Variants in TRIM40 observed in about 807,000 individuals in gnomAD.
TRIM40 encodes the protein E3 ubiquitin ligase TRIM40.
In TRIM40, 27 loss-of-function variants were observed where a neutral mutation model predicts 26.1. The ratio of observed to expected loss-of-function variants is 1.04; its 90% confidence interval spans 0.76 to 1.43. The LOEUF (loss-of-function observed/expected upper bound fraction) is 1.43. Among genes scored for constraint, TRIM40 ranks in the 40% most tolerant of loss-of-function variants. The pLI is 0.00. For missense variants in TRIM40, 289 were observed against 307.9 expected (o/e 0.94, Z 0.46); for synonymous variants, 114 against 120.0 (o/e 0.95, Z 0.33).
intron 3 of TRIM40, 141 bp downstream of exon 3, chr6:30,146,230 T>C (rs1030824071): frequency 3.0e-5 from 21 of 700,324 alleles, no homozygotes; most frequent in Non-Finnish European, 4.4e-5. Context: ...GGTGTTGGCC[T>C]TGGCGTCAAA....
intron 2 of TRIM40, among the ~76,000 whole-genome samples, chr6:30,142,346 C>T (rs961397760): frequency 1.3e-5 from 2 of 152,044 alleles, no homozygotes; most frequent in Admixed American, 6.6e-5. Context: ...CAGTGATGTA[C>T]GTTGTTTTAC....
chr6:30,145,067 C>T (rs555983794), intron 2 of TRIM40, among the ~76,000 whole-genome samples: 2 of 152,238 alleles, frequency 1.3e-5, no homozygotes, highest in East Asian at 1.9e-4. Flanking sequence ...TCACCAAATG[C>T]CCTTGCTGAC....
intron 2 of TRIM40, among the ~76,000 whole-genome samples, chr6:30,138,469 T>C (rs1334200418): frequency 6.6e-6 from 1 of 152,218 alleles, no homozygotes; most frequent in Non-Finnish European, 1.5e-5. Context: ...AATGCCAATG[T>C]CATAATATAC....
rs527631911 is a variant in TRIM40, at chr6:30,147,995, A to T, written c.*183A>T. 12 of 611,060 alleles carry T rather than the reference A, an allele frequency of 2.0e-5. No individual in the cohort carries two copies. The East Asian group carries it at 3.3e-4, about 17-fold the overall frequency. The allele number at this position is 611,060 out of a possible 1,614,324, so 37.9% of individuals were successfully genotyped here. ...TGATGCCTGACCCTCTGACTCTTGG[A>T]CGATAGCCAGCCTCCTTCCAGGACA... On this transcript the variant is annotated 3_prime_UTR_variant, in exon 6 of 6. Transcript: ENST00000396581.
Position 30,147,008 on chromosome 6 carries a change from C to A in TRIM40, c.465C>A (p.His155Gln). 6.2e-7 allele frequency: 1 copy of A among 1,604,850 alleles called. No homozygotes were observed. The highest frequency in any genetic ancestry group is 1.7e-5 in the Admixed American group (1 of 58,434). The change falls in exon 4 of 6, where the codon CAC becomes CAA. Residue 155 changes from histidine (H) to glutamine (Q), a missense_variant. By Grantham distance (24) the His-to-Gln change is conservative (BLOSUM62 0). Coordinates refer to ENST00000396581, the MANE Select transcript of TRIM40 (RefSeq NM_001286633.2). ...ALQFQVDHGN[H>Q]RLEAGPESQH... ...AGTTTCAGGTAGACCACGGGAACCACAGGCTGGAGGCTGGGCCGGAGAGCC... is the reference window on the plus strand; with the variant it reads ...AGTTTCAGGTAGACCACGGGAACCAAAGGCTGGAGGCTGGGCCGGAGAGCC...
chr6:30,141,835 G>A (rs532097416), intron 2 of TRIM40, among the ~76,000 whole-genome samples: 20 of 152,308 alleles, frequency 1.3e-4, no homozygotes, highest in Admixed American at 7.2e-4. Context: ...GTGGGAGAGC[G>A]CTTACAAGAG....
intron 4 of TRIM40, 139 bp from the exon 5 acceptor site, chr6:30,147,381 C>T (rs1354919133): frequency 7.1e-7 from 1 of 1,406,526 alleles, no homozygotes; most frequent in African/African-American, 1.4e-5. Context: ...AGAATGGGCA[C>T]AGAAGAGGGG....
chr6:30,147,006 C>T lies in TRIM40; in HGVS notation c.463C>T (p.His155Tyr), dbSNP rs1771702786. 6.2e-7 allele frequency: 1 copy of T among 1,603,726 alleles called. No individual in the cohort carries two copies. The highest frequency in any genetic ancestry group is 1.3e-5 in the African/African-American group (1 of 74,656). ...ALQFQVDHGN[H>Y]RLEAGPESQH... is the part of the protein sequence containing the mutation. Reference sequence around the variant, plus strand: ...GTAGTTTCAGGTAGACCACGGGAACCACAGGCTGGAGGCTGGGCCGGAGAG... The same window carrying T: ...GTAGTTTCAGGTAGACCACGGGAACTACAGGCTGGAGGCTGGGCCGGAGAG... Residue 155 changes from histidine to tyrosine, a missense_variant, in exon 4 of 6, where the codon CAC becomes TAC. By Grantham distance (83) the His-to-Tyr change is moderately conservative. Transcript: ENST00000396581.
chr6:30,138,078 C>T (rs1271509646), intron 2 of TRIM40, among the ~76,000 whole-genome samples: 1 of 101,376 alleles, frequency 9.9e-6, no homozygotes, highest in Non-Finnish European at 2.5e-5. Flanking sequence ...CACACACACA[C>T]ACACACACAC....
chr6:30,139,797 G>T (rs1771240223), intron 2 of TRIM40, among the ~76,000 whole-genome samples: 1 of 152,150 alleles, frequency 6.6e-6, no homozygotes, highest in South Asian at 2.1e-4. Flanking sequence ...CACCTGAGAA[G>T]TCTTGTTATA....
At position 30,147,089 on chromosome 6, in the gene TRIM40, G is replaced by A; in HGVS notation, c.546G>A (p.Leu182=). The A allele has an allele frequency of 6.2e-7, 1 of 1,614,134 alleles. No individual in the cohort carries two copies. Among genetic ancestry groups the A allele is most frequent in the African/African-American group, 1.3e-5 (1 of 75,060 alleles). The change falls in exon 4 of 6, where the codon CTG becomes CTA. Residue 182 remains leucine (L), a synonymous_variant. Coordinates refer to ENST00000396581, the MANE Select transcript of TRIM40 (RefSeq NM_001286633.2). ...TCCCTCAGCAGTGGCTGGGCCAGCTGGAGCACATGCCAGCAGAAGCGGCCA... is the reference window on the plus strand; with the variant it reads ...TCCCTCAGCAGTGGCTGGGCCAGCTAGAGCACATGCCAGCAGAAGCGGCCA... ...GALPQQWLGQ[L]EHMPAEAARI...
At chr6:30,146,404 T>C (rs1018660781) in intron 3 of TRIM40, among the ~76,000 whole-genome samples, 1 of 151,844 alleles carries the variant, frequency 6.6e-6, no homozygotes, top group Admixed American at 6.6e-5. Context: ...CCTCTGTTTC[T>C]TTTTATTTTA....
chr6:30,141,764 T>G (rs1771359212), intron 2 of TRIM40, among the ~76,000 whole-genome samples: 1 of 152,150 alleles, frequency 6.6e-6, no homozygotes, highest in African/African-American at 2.4e-5. Context: ...ACATCAGCAG[T>G]ATGGGTGGGA....
chr6:30,146,690 T>C (rs560162608), intron 3 of TRIM40, among the ~76,000 whole-genome samples: 39 of 152,082 alleles, frequency 2.6e-4, no homozygotes, highest in African/African-American at 4.8e-4. Flanking sequence ...GGATTACAGG[T>C]GTGAGCCACC....
chr6:30,146,218 C>A (rs1446120143), intron 3 of TRIM40, 129 bp downstream of exon 3: 2 of 761,222 alleles, frequency 2.6e-6, no homozygotes, highest in African/African-American at 3.5e-5. Context: ...GCTGAAAACC[C>A]GGGTGTTGGC....
At chr6:30,147,579 A>C (rs112744730) in intron 5 of TRIM40, 37 bp downstream of exon 5, 1 of 1,614,192 alleles carries the variant, frequency 6.2e-7, no homozygotes, top group East Asian at 2.2e-5. Context: ...ACATGTGCAT[A>C]TAAACCCACA....
Position 30,147,785 on chromosome 6 carries a change from G to C in TRIM40, c.750G>C (p.Leu250Phe). 6.2e-7 allele frequency: 1 copy of C among 1,614,202 alleles called. No individual in the cohort carries two copies. The highest frequency in any genetic ancestry group is 1.7e-5 in the Admixed American group (1 of 60,030). The part of the protein sequence containing the change: ...YPQLEKGVSE[L>F]LLQPPQKL ...AGTTGGAGAAAGGAGTCAGTGAATT[G>C]CTTCTTCAGCCCCCTCAGAAGCTCT... The change falls in exon 6 of 6, where the codon TTG becomes TTC. Residue 250 changes from leucine to phenylalanine, a missense_variant. Transcript: ENST00000396581.
chr6:30,147,812 ACCTGTTCAT>A lies in TRIM40; in HGVS notation c.*3_*11del. On this transcript the variant is annotated 3_prime_UTR_variant, in exon 6 of 6. Coordinates refer to ENST00000396581, the MANE Select transcript of TRIM40 (RefSeq NM_001286633.2). ...TTCTTCAGCCCCCTCAGAAGCTCTG[ACCTGTTCAT>A]CCCTGGGACACCTCACTTCAGGCTC... 1 of 1,613,848 alleles carries A rather than the reference ACCTGTTCAT, an allele frequency of 6.2e-7. No homozygotes were observed. Among genetic ancestry groups the A allele is most frequent in the Non-Finnish European group, 8.5e-7 (1 of 1,179,790 alleles).
At position 30,148,109 on chromosome 6, in the gene TRIM40, G is replaced by C. The variant is rs556243433; in HGVS notation, c.*297G>C. The C allele has an allele frequency of 5.9e-6, 3 of 508,726 alleles. No individual in the cohort carries two copies. Among genetic ancestry groups the C allele is most frequent in the Non-Finnish European group, 1.1e-5 (3 of 283,956 alleles). 31.5% of individuals were successfully genotyped at this position (508,726 alleles called of 1,614,324 possible). A position where few individuals can be genotyped will look rare whatever the true frequency, so the allele number is the denominator to read the frequency against. On this transcript the variant is annotated 3_prime_UTR_variant, in exon 6 of 6. Coordinates refer to ENST00000396581, the MANE Select transcript of TRIM40 (RefSeq NM_001286633.2). The stretch of plus-strand genomic sequence containing the variant: ...ATCTCCATTTTGCCTGTAAACTGAT[G>C]GTAGTGCCCATCTCTCACAATCTCA...
Sources: allele counts gnomAD v4.1 joint callset (sites outside exome capture counted in the v4.1 genomes callset), GRCh38; gene constraint gnomAD v4.1.1; transcripts MANE v1.5; gene names NCBI Gene and HGNC (gene_info 2026-07-23, HGNC 2026-07-21).